ASIC2: variants seen among roughly 807,000 people sequenced by gnomAD.
ASIC2 encodes acid-sensing ion channel 2.
A neutral mutation model predicts 57.3 loss-of-function variants in ASIC2; 25 were observed. That is an observed-to-expected ratio of 0.44 (90% CI 0.32 to 0.61). The LOEUF (loss-of-function observed/expected upper bound fraction) is 0.61, where lower values mean the gene tolerates loss of function less well. Ranked by LOEUF, ASIC2 falls within the 20% of genes least tolerant of loss-of-function variation. The pLI is 0.06. For synonymous variants in ASIC2, 319 were observed against 307.5 expected (o/e 1.04, Z -0.39); for missense variants, 641 against 738.1 (o/e 0.87, Z 1.52).
intron 1 of ASIC2, chr17:34,069,385 T>G (rs1317969900): frequency 1.7e-4 from 26 of 152,042 alleles, no homozygotes; most frequent in African/African-American, 3.4e-4. Flanking sequence ...TTTTTTCTCT[T>G]TCTTTTTTTC....
intron 1 of ASIC2, among the ~76,000 whole-genome samples, chr17:33,596,506 T>C (rs1295042009): frequency 6.6e-6 from 1 of 152,200 alleles, no homozygotes; most frequent in African/African-American, 2.4e-5. Flanking sequence ...TTTTTGTGCC[T>C]CACTCCCTGC....
chr17:33,732,528 G>T (rs1597853470), intron 1 of ASIC2, among the ~76,000 whole-genome samples: 2 of 141,966 alleles, frequency 1.4e-5, no homozygotes, highest in African/African-American at 5.3e-5. Context: ...TTTTTAAGAC[G>T]TAATCTTGCT....
At chr17:33,192,730 G>A (rs968645462) in intron 1 of ASIC2, among the ~76,000 whole-genome samples, 1 of 152,090 alleles carries the variant, frequency 6.6e-6, no homozygotes, top group Non-Finnish European at 1.5e-5. Context: ...AGGAGAAATC[G>A]GAAAGCTGCC....
At chr17:33,579,400 G>T (rs552747220) in intron 1 of ASIC2, among the ~76,000 whole-genome samples, 2 of 151,904 alleles carry the variant, frequency 1.3e-5, no homozygotes, top group African/African-American at 4.8e-5. Flanking sequence ...TCATTATTCT[G>T]GAGGGGAAGG....
At chr17:33,807,805 A>T (rs1012513756) in intron 1 of ASIC2, among the ~76,000 whole-genome samples, 2 of 152,232 alleles carry the variant, frequency 1.3e-5, no homozygotes, top group Admixed American at 6.5e-5. Flanking sequence ...GATGTGGAGC[A>T]TATTTTTATA....
intron 1 of ASIC2, among the ~76,000 whole-genome samples, chr17:33,172,837 C>T (rs770492978): frequency 7.2e-5 from 11 of 152,276 alleles, no homozygotes; most frequent in East Asian, 1.9e-4. Context: ...GAGGTTGGGT[C>T]GTTTCAACAA....
In ASIC2 at chr17:33,891,561, C is replaced by A. The variant is rs569514566; in HGVS notation, c.555+264417G>T. Among the ~76,000 whole-genome samples, 4 of 152,300 alleles carry A rather than the reference C, an allele frequency of 2.6e-5. No homozygotes were observed. The East Asian group carries it at 7.7e-4, about 29-fold the overall frequency. On this transcript the variant is annotated intron_variant, in intron 1 of 9. Coordinates refer to the ASIC2 transcript ENST00000359872. ...CTCAGGTTTCAGGCCCAGAAAAAAA[C>A]TAACTTTTCTTTGAGCAGTCACTTT...
intron 1 of ASIC2, among the ~76,000 whole-genome samples, chr17:33,997,663 G>A (rs532942476): frequency 1.4e-4 from 22 of 152,120 alleles, no homozygotes; most frequent in South Asian, 2.1e-4. Context: ...CTGTGAATGC[G>A]GTGTATCACA....
At chr17:33,994,581 G>A (rs1906096666) in intron 1 of ASIC2, among the ~76,000 whole-genome samples, 1 of 152,184 alleles carries the variant, frequency 6.6e-6, no homozygotes, top group African/African-American at 2.4e-5. Flanking sequence ...TAGCAGGCCT[G>A]TATTTTTTCT....
At chr17:33,240,945 C>T (rs905745221) in intron 1 of ASIC2, among the ~76,000 whole-genome samples, 18 of 152,150 alleles carry the variant, frequency 1.2e-4, no homozygotes, top group African/African-American at 3.1e-4. Flanking sequence ...AGAATTTTAC[C>T]GTTTATGGAG....
Position 33,178,767 on chromosome 17 carries a change from C to T in ASIC2, c.709-66700G>A, listed in dbSNP as rs563454298. Among the ~76,000 whole-genome samples, 10 of 152,314 alleles carry T rather than the reference C, an allele frequency of 6.6e-5. No individual in the cohort carries two copies. In the East Asian group the frequency reaches 1.9e-3, roughly 29 times the overall value. On this transcript the variant is annotated intron_variant, in intron 1 of 9. Coordinates refer to ENST00000225823, the MANE Select transcript of ASIC2 (RefSeq NM_183377.2). Reference sequence around the variant, plus strand: ...AAGAGGACAGCCCAACAGAGGAGGGCCCCATGCAGGCAGGGGAAGCTCTGT... The same window carrying T: ...AAGAGGACAGCCCAACAGAGGAGGGTCCCATGCAGGCAGGGGAAGCTCTGT...
chr17:33,235,100 G>C (rs1047971097), intron 1 of ASIC2, among the ~76,000 whole-genome samples: 2 of 152,216 alleles, frequency 1.3e-5, no homozygotes, highest in African/African-American at 4.8e-5. Context: ...GTTCTGGAAA[G>C]CAAGGTTCAC....
intron 1 of ASIC2, among the ~76,000 whole-genome samples, chr17:33,897,704 G>A (rs1039627406): frequency 1.3e-5 from 2 of 152,164 alleles, no homozygotes; most frequent in East Asian, 1.9e-4. Flanking sequence ...ACCTTTGCTC[G>A]GATGTATCTG....
At chr17:33,953,336 AC>A (rs1044652954) in intron 1 of ASIC2, among the ~76,000 whole-genome samples, 1 of 152,112 alleles carries the variant, frequency 6.6e-6, no homozygotes, top group Non-Finnish European at 1.5e-5. Flanking sequence ...ATTGCTTCAA[AC>A]CCTATGTCTG....
At chr17:33,950,283 G>A (rs1034813245) in intron 1 of ASIC2, among the ~76,000 whole-genome samples, 3 of 152,326 alleles carry the variant, frequency 2.0e-5, no homozygotes, top group South Asian at 2.1e-4. Flanking sequence ...AGAGGCTGCC[G>A]GGTAATTGGG....
At chr17:33,891,933 T>A (rs1428803898) in intron 1 of ASIC2, among the ~76,000 whole-genome samples, 1 of 152,234 alleles carries the variant, frequency 6.6e-6, no homozygotes, top group Non-Finnish European at 1.5e-5. Flanking sequence ...TTTTCTGCTC[T>A]ATTTTTTCTT....
chr17:33,126,895 C>T, intron 1 of ASIC2, among the ~76,000 whole-genome samples: 1 of 117,784 alleles, frequency 8.5e-6, no homozygotes. Context: ...GAGTCTCGCT[C>T]TGTCGCCCAG....
At chr17:34,014,286 C>A (rs73278466) in intron 1 of ASIC2, among the ~76,000 whole-genome samples, 8,663 of 152,190 alleles carry the variant, frequency 0.057, 822 homozygotes, top group African/African-American at 0.2. Context: ...TGATGGTCAC[C>A]CATAGCTACC....
chr17:33,793,074 C>G (rs1023109661), intron 1 of ASIC2, among the ~76,000 whole-genome samples: 1 of 152,120 alleles, frequency 6.6e-6, no homozygotes, highest in Non-Finnish European at 1.5e-5. Context: ...GTTAGATAAC[C>G]CTGTGTGGAA....
Sources: gnomAD v4.1 joint callset for allele counts (sites outside exome capture counted in the v4.1 genomes callset) on GRCh38, gnomAD v4.1.1 for gene constraint, MANE v1.5 for transcripts, NCBI Gene and HGNC (gene_info 2026-07-23, HGNC 2026-07-21) for gene names.